TTC7A: variants seen among roughly 807,000 people sequenced by gnomAD.
TTC7A encodes the protein tetratricopeptide repeat domain 7A, also known as tetratricopeptide repeat protein 7A.
TTC7A carries 110 observed loss-of-function variants against 103.7 expected under a neutral mutation model. That is an observed-to-expected ratio of 1.06 (90% CI 0.91 to 1.24). The LOEUF is 1.24. Among genes scored for constraint, TTC7A ranks in the 50% most tolerant of loss-of-function variants. The pLI is 0.00. For synonymous variants in TTC7A, 521 were observed against 467.9 expected, an observed-to-expected ratio of 1.11 and a Z score of -1.47; for missense variants, 1,340 against 1,116.3, an observed-to-expected ratio of 1.20 and a Z score of -2.86.
intron 19 of TTC7A, among the ~76,000 whole-genome samples, chr2:47,064,028 C>G (rs1241955117): frequency 6.6e-6 from 1 of 152,250 alleles, no homozygotes; most frequent in Non-Finnish European, 1.5e-5. Context: ...TCCCTGTCCC[C>G]CTGTCGGTGC....
intron 1 of TTC7A, among the ~76,000 whole-genome samples, chr2:46,943,361 C>T (rs1670627087): frequency 6.6e-6 from 1 of 152,168 alleles, no homozygotes; most frequent in Non-Finnish European, 1.5e-5. Context: ...ACCAAGTCTC[C>T]TAGTGTCAGA....
intron 2 of TTC7A, 65 bp downstream of exon 2, chr2:46,950,591 G>T: frequency 6.5e-7 from 1 of 1,547,548 alleles, no homozygotes; most frequent in Non-Finnish European, 8.8e-7. Context: ...CATCTGTCCA[G>T]TCCTCCCTGA....
chr2:47,004,296 GT>G (rs1212987994), intron 8 of TTC7A, among the ~76,000 whole-genome samples: 1 of 152,150 alleles, frequency 6.6e-6, no homozygotes, highest in Non-Finnish European at 1.5e-5. Flanking sequence ...TCTTGGAGGT[GT>G]TTTGGCTTCC....
intron 2 of TTC7A, among the ~76,000 whole-genome samples, chr2:46,930,496 A>C (rs1243534824): frequency 2.1e-5 from 3 of 144,936 alleles, no homozygotes; most frequent in Non-Finnish European, 3.0e-5. Flanking sequence ...GAAGTCCTAT[A>C]ATTTTTTTTT....
intron 19 of TTC7A, 149 bp from the exon 20 acceptor site, chr2:47,073,551 GCA>G: frequency 1.5e-6 from 1 of 671,916 alleles, no homozygotes; most frequent in South Asian, 1.8e-5. Context: ...ATGGGGAAAG[GCA>G]CAGTCACTTA....
At chr2:47,036,146 G>T (rs1048857349) in intron 15 of TTC7A, among the ~76,000 whole-genome samples, 2 of 152,182 alleles carry the variant, frequency 1.3e-5, no homozygotes, top group Non-Finnish European at 2.9e-5. Context: ...GCCGAGACCC[G>T]GAGGCCAGTT....
intron 8 of TTC7A, among the ~76,000 whole-genome samples, chr2:47,002,050 G>A (rs912187370): frequency 2.6e-5 from 4 of 152,272 alleles, no homozygotes; most frequent in African/African-American, 7.2e-5. Flanking sequence ...TGAGCTGTTG[G>A]GTGATGGGTG....
rs1474983198 is a variant in TTC7A at position 47,050,059 on chromosome 2, TC to T, written c.2017+15del. 6.2e-7 allele frequency: 1 copy of T among 1,606,326 alleles called. No homozygotes were observed. Among genetic ancestry groups the T allele is most frequent in the Non-Finnish European group, 8.5e-7 (1 of 1,173,194 alleles). Reference sequence around the variant, plus strand: ...GATGCAGACTCTGGTAAGAACGAGCTCCTTGGGCCACTGTGTGCATGGACCC... The same window carrying T: ...GATGCAGACTCTGGTAAGAACGAGCTCTTGGGCCACTGTGTGCATGGACCC... On this transcript the variant is annotated intron_variant, in intron 17 of 19. Coordinates refer to ENST00000319190, the MANE Select transcript of TTC7A (RefSeq NM_020458.4).
chr2:46,989,037 G>A (rs536315255), intron 5 of TTC7A, among the ~76,000 whole-genome samples: 10 of 152,336 alleles, frequency 6.6e-5, no homozygotes, highest in South Asian at 4.1e-4. Flanking sequence ...ATTAGAAGCT[G>A]CACGGACTGA....
chr2:47,040,358 G>T (rs1248862290), intron 15 of TTC7A: 4 of 152,280 alleles, frequency 2.6e-5, no homozygotes, highest in Non-Finnish European at 5.9e-5. Flanking sequence ...TTCCCAGACA[G>T]AACACTCACT....
intron 5 of TTC7A, among the ~76,000 whole-genome samples, chr2:46,985,732 G>A (rs750915558): frequency 3.9e-5 from 6 of 152,232 alleles, no homozygotes; most frequent in Non-Finnish European, 8.8e-5. Flanking sequence ...CCCATGGCAT[G>A]TCTACATCAG....
At chr2:46,994,646 C>G in intron 7 of TTC7A, 132 bp downstream of exon 7, 2 of 885,778 alleles carry the variant, frequency 2.3e-6, no homozygotes, top group Non-Finnish European at 1.8e-6. Context: ...CCAGCCTCCT[C>G]AGTCTCAGCA....
chr2:47,057,988 A>T (rs1683455582), intron 18 of TTC7A, among the ~76,000 whole-genome samples: 1 of 152,146 alleles, frequency 6.6e-6, no homozygotes, highest in Admixed American at 6.5e-5. Flanking sequence ...CCAGGCACAT[A>T]GTCAGTACTC....
intron 16 of TTC7A, among the ~76,000 whole-genome samples, chr2:47,049,546 G>T (rs1682658931): frequency 6.6e-6 from 1 of 152,046 alleles, no homozygotes; most frequent in Non-Finnish European, 1.5e-5. Flanking sequence ...TTTCCATAGG[G>T]GTTTGGGGGT....
chr2:47,052,184 CAGAG>C (rs1682914691), intron 18 of TTC7A, among the ~76,000 whole-genome samples: 1 of 152,108 alleles, frequency 6.6e-6, no homozygotes, highest in Non-Finnish European at 1.5e-5. Context: ...CTGGAGAGCT[CAGAG>C]AGGGGAGGTG....
chr2:47,057,481 A>G (rs1422033035), intron 18 of TTC7A, among the ~76,000 whole-genome samples: 2 of 152,118 alleles, frequency 1.3e-5, no homozygotes, highest in African/African-American at 2.4e-5. Flanking sequence ...AAATCTGTTG[A>G]TGTGAATACA....
At chr2:46,931,611 G>A (rs1376677643) in intron 2 of TTC7A, among the ~76,000 whole-genome samples, 1 of 152,110 alleles carries the variant, frequency 6.6e-6, no homozygotes, top group African/African-American at 2.4e-5. Flanking sequence ...AAGGAATGCA[G>A]TCGGCCTCTA....
Position 47,075,285 on chromosome 2 carries a change from G to GTGTGTATATAAATATAGTTTT in TTC7A, c.*1364_*1384dup, listed in dbSNP as rs1294148131. On this transcript the variant is annotated 3_prime_UTR_variant, in exon 20 of 20. Coordinates refer to ENST00000319190, the MANE Select transcript of TTC7A (RefSeq NM_020458.4). Reference sequence around the variant, plus strand: ...TCTTGGTTGAAGGATCTCTATGTATGTGTGTATATAAATATAGTTTTTTAT... The same window carrying GTGTGTATATAAATATAGTTTT: ...TCTTGGTTGAAGGATCTCTATGTATGTGTGTATATAAATATAGTTTTTGTGTATATAAATATAGTTTTTTAT... 2.0e-5 allele frequency: 3 copies of GTGTGTATATAAATATAGTTTT among 152,174 alleles called. No individual in the cohort carries two copies. Among genetic ancestry groups the GTGTGTATATAAATATAGTTTT allele is most frequent in the African/African-American group, 7.2e-5 (3 of 41,440 alleles). 9.4% of individuals were successfully genotyped at this position (152,174 alleles called of 1,614,324 possible). A position where few individuals can be genotyped will look rare whatever the true frequency, so the allele number is the denominator to read the frequency against.
At chr2:46,969,431 C>T (rs1014066809) in intron 3 of TTC7A, among the ~76,000 whole-genome samples, 7 of 151,922 alleles carry the variant, frequency 4.6e-5, no homozygotes, top group Admixed American at 1.3e-4. Context: ...GGCGTGAACC[C>T]GGGAGGCAGA....
Sources: allele counts gnomAD v4.1 joint callset (sites outside exome capture counted in the v4.1 genomes callset), GRCh38; gene constraint gnomAD v4.1.1; transcripts MANE v1.5; gene names NCBI Gene and HGNC (gene_info 2026-07-23, HGNC 2026-07-21).